Variants in MCTP1 observed in about 807,000 individuals in gnomAD.
MCTP1 encodes the protein multiple C2 and transmembrane domain containing 1.
Under a neutral mutation model 120.6 loss-of-function variants are expected in MCTP1, and 69 were observed. The ratio of observed to expected loss-of-function variants is 0.57; its 90% CI spans 0.47 to 0.70. The LOEUF (loss-of-function observed/expected upper bound fraction) is 0.70. Ranked by LOEUF, MCTP1 falls within the 30% of genes least tolerant of loss-of-function variation. MCTP1 has a pLI of 0.00. For missense variants in MCTP1, 1,203 were observed against 1,248.8 expected (o/e 0.96, Z 0.55); for synonymous variants, 529 against 493.1 (o/e 1.07, Z -0.96).
At chr5:95,006,535 C>G (rs1429195274) in intron 2 of MCTP1, among the ~76,000 whole-genome samples, 3 of 152,128 alleles carry the variant, frequency 2.0e-5, no homozygotes, top group South Asian at 4.1e-4. Flanking sequence ...TAAAACAAGG[C>G]TATACCTGAT....
At chr5:94,937,139 T>G (rs918454432) in intron 5 of MCTP1, among the ~76,000 whole-genome samples, 6 of 152,154 alleles carry the variant, frequency 3.9e-5, no homozygotes, top group Non-Finnish European at 5.9e-5. Context: ...GCTTCTCTGA[T>G]GAAGAAAGAA....
intron 1 of MCTP1, among the ~76,000 whole-genome samples, chr5:95,239,992 T>A (rs969264769): frequency 6.6e-6 from 1 of 152,168 alleles, no homozygotes. Context: ...GGTTAACGAT[T>A]CTACAAAGGT....
intron 17 of MCTP1, among the ~76,000 whole-genome samples, chr5:94,862,725 T>C (rs1448275739): frequency 6.6e-6 from 1 of 151,776 alleles, no homozygotes; most frequent in African/African-American, 2.4e-5. Context: ...TGAAAGGCAA[T>C]GCTTAGGAAA....
chr5:94,826,104 T>C (rs1787008373), intron 17 of MCTP1: 2 of 313,644 alleles, frequency 6.4e-6, no homozygotes, highest in South Asian at 7.8e-5. Context: ...GTGAAGCATT[T>C]TCCAACAGTA....
chr5:95,170,757 T>G (rs1222963310), intron 1 of MCTP1, among the ~76,000 whole-genome samples: 4 of 152,234 alleles, frequency 2.6e-5, no homozygotes, highest in Non-Finnish European at 5.9e-5. Context: ...GTTTTCTATT[T>G]GCTTGGTAGA....
intron 17 of MCTP1, among the ~76,000 whole-genome samples, chr5:94,807,527 G>C (rs963486054): frequency 6.6e-6 from 1 of 152,188 alleles, no homozygotes; most frequent in Non-Finnish European, 1.5e-5. Context: ...GCCAATGAAA[G>C]CACTGTTTGT....
Position 94,707,427 on chromosome 5 carries a change from TGCTGAG to T in MCTP1, c.*63_*68del. 11 of 1,163,328 alleles carry T rather than the reference TGCTGAG, an allele frequency of 9.5e-6. No homozygotes were observed. The highest frequency in any genetic ancestry group is 4.0e-4 in the Middle Eastern group (2 of 4,980). 72.1% of individuals were successfully genotyped at this position (1,163,328 alleles called of 1,614,324 possible). A position where few individuals can be genotyped will look rare whatever the true frequency, so the allele number is the denominator to read the frequency against. ...TAAAAAGCAGAAAGAAAGGAAATGC[TGCTGAG>T]GCTGAGGGCTTTTTCTTTTATCTTC... On this transcript the variant is annotated 3_prime_UTR_variant, in exon 23 of 23. Transcript: ENST00000515393.
intron 1 of MCTP1, among the ~76,000 whole-genome samples, chr5:95,029,442 G>C (rs982358379): frequency 6.6e-6 from 1 of 152,162 alleles, no homozygotes; most frequent in Non-Finnish European, 1.5e-5. Context: ...TTGGATGCTA[G>C]TTCTCCTCAG....
intron 3 of MCTP1, among the ~76,000 whole-genome samples, chr5:94,947,389 T>C (rs1212844701): frequency 6.6e-6 from 1 of 151,690 alleles, no homozygotes; most frequent in Non-Finnish European, 1.5e-5. Context: ...TTCAGTAATA[T>C]GACATCGCTC....
At chr5:95,108,065 G>A (rs1055797548) in intron 1 of MCTP1, among the ~76,000 whole-genome samples, 2 of 152,180 alleles carry the variant, frequency 1.3e-5, no homozygotes, top group Non-Finnish European at 2.9e-5. Context: ...GGTGCAGGAA[G>A]CAGTCAAGCC....
chr5:95,109,262 C>A (rs1757294017), intron 1 of MCTP1, among the ~76,000 whole-genome samples: 1 of 152,056 alleles, frequency 6.6e-6, no homozygotes, highest in Non-Finnish European at 1.5e-5. Flanking sequence ...ACCATTTAAG[C>A]AAAAGCAAGG....
chr5:95,241,803 T>C (rs919476285), intron 1 of MCTP1, among the ~76,000 whole-genome samples: 1 of 152,166 alleles, frequency 6.6e-6, no homozygotes, highest in Non-Finnish European at 1.5e-5. Flanking sequence ...AACACCTACA[T>C]GCTACTGTAT....
At chr5:94,761,601 C>G (rs1283100249) in intron 19 of MCTP1, among the ~76,000 whole-genome samples, 2 of 152,174 alleles carry the variant, frequency 1.3e-5, no homozygotes, top group Non-Finnish European at 2.9e-5. Context: ...TCTTGGGAGG[C>G]AATAGGCTCC....
At chr5:95,055,648 TAAG>T (rs1304142070) in intron 1 of MCTP1, among the ~76,000 whole-genome samples, 2 of 152,176 alleles carry the variant, frequency 1.3e-5, no homozygotes, top group African/African-American at 4.8e-5. Flanking sequence ...TGCATGCTCC[TAAG>T]AAGTAATGTG....
chr5:94,973,685 G>T (rs1042772576), intron 2 of MCTP1, among the ~76,000 whole-genome samples: 9 of 152,100 alleles, frequency 5.9e-5, no homozygotes, highest in Admixed American at 1.3e-4. Flanking sequence ...AAAACTGGGT[G>T]TCTTTCTGCA....
chr5:94,956,701 A>T (rs1456742841), intron 2 of MCTP1, among the ~76,000 whole-genome samples: 2 of 132,006 alleles, frequency 1.5e-5, no homozygotes, highest in Non-Finnish European at 3.3e-5. Context: ...AATAAAGTGT[A>T]AAGACAAGAT....
intron 17 of MCTP1, among the ~76,000 whole-genome samples, chr5:94,851,859 TTAGAAG>T (rs1478939574): frequency 6.6e-6 from 1 of 151,872 alleles, no homozygotes; most frequent in Non-Finnish European, 1.5e-5. Flanking sequence ...ATCCATATGT[TTAGAAG>T]TAGGAGTGAA....
intron 1 of MCTP1, among the ~76,000 whole-genome samples, chr5:95,097,358 G>A (rs561915758): frequency 2.0e-5 from 3 of 152,314 alleles, no homozygotes; most frequent in South Asian, 4.1e-4. Context: ...CCTGATTAAT[G>A]AGAAAGAAGC....
At chr5:95,061,002 A>AT (rs35187920) in intron 1 of MCTP1, among the ~76,000 whole-genome samples, 4,538 of 107,120 alleles carry the variant, frequency 0.042, 245 homozygotes, top group African/African-American at 0.11. Context: ...TCAAATGTAC[A>AT]TTTTTTTTTT....
Sources: gnomAD v4.1 joint callset for allele counts (sites outside exome capture counted in the v4.1 genomes callset) on GRCh38, gnomAD v4.1.1 for gene constraint, MANE v1.5 for transcripts, NCBI Gene and HGNC (gene_info 2026-07-23, HGNC 2026-07-21) for gene names.